The following TECTA variants were observed in gnomAD, a reference collection of about 807,000 sequenced individuals.
The protein encoded by TECTA is alpha-tectorin.
In TECTA, 128 loss-of-function variants were observed where a neutral mutation model predicts 216.8. The observed-to-expected ratio is 0.59, with a 90% CI of 0.51 to 0.68. TECTA has a LOEUF of 0.68. Among genes scored for constraint, TECTA ranks in the 30% least tolerant of loss-of-function variants. The pLI, the probability that TECTA is intolerant of heterozygous loss-of-function variation, is 0.00. For missense variants in TECTA, 2,551 were observed against 2,786.2 expected, an observed-to-expected ratio of 0.92 and a Z score of 1.90; for synonymous variants, 1,089 against 1,117.1, an observed-to-expected ratio of 0.97 and a Z score of 0.50.
chr11:121,159,655 A>G (rs770076736), intron 14 of TECTA, among the ~76,000 whole-genome samples: 1 of 152,212 alleles, frequency 6.6e-6, no homozygotes, highest in Admixed American at 6.5e-5. Context: ...AAATATGGCA[A>G]TGATGCCCAG....
At chr11:121,118,993 G>GCACACACACACACACAAA (rs1946529062) in intron 7 of TECTA, among the ~76,000 whole-genome samples, 1 of 55,952 alleles carries the variant, frequency 1.8e-5, no homozygotes, top group African/African-American at 5.1e-5. Flanking sequence ...ACACTGATAG[G>GCACACACACACACACAAA]CACACACACA....
At chr11:121,149,770 C>G (rs1057066438) in intron 12 of TECTA, among the ~76,000 whole-genome samples, 1 of 152,208 alleles carries the variant, frequency 6.6e-6, no homozygotes, top group Non-Finnish European at 1.5e-5. Flanking sequence ...AGATTCTTGA[C>G]CACGGTACAA....
In TECTA at chr11:121,125,855, G is replaced by T; in HGVS notation, c.1757G>T (p.Arg586Leu). 6.2e-7 allele frequency: 1 copy of T among 1,609,762 alleles called. No homozygotes were observed. Among genetic ancestry groups the T allele is most frequent in the South Asian group, 1.1e-5 (1 of 91,072 alleles). ...QALGIPIGDW[R>L]TQTGCVSTVQ... ...CTTGGCATTCCAATTGGAGACTGGC[G>T]AACCCAGACTGGGTGTGGTAAGCTG... Residue 586 changes from arginine to leucine, a missense_variant, in exon 8 of 24, where the codon CGA (arginine) becomes CTA (leucine). Physicochemically the swap from Arg to Leu is moderately radical, Grantham distance 102. Coordinates refer to ENST00000392793, the MANE Select transcript of TECTA (RefSeq NM_005422.4).
chr11:121,113,725 C>T lies in TECTA; in HGVS notation c.790+7C>T. On this transcript the variant is annotated splice_region_variant and intron_variant, in intron 6 of 23. Coordinates refer to ENST00000392793, the MANE Select transcript of TECTA (RefSeq NM_005422.4). This position sits in a 1 kb window ranked among gnomAD's most constrained non-coding sequence, Gnocchi z 4.2. ...AATGGCTGCACCTCAAGGGGTAAAG[C>T]TTTTCCTCTGTCTGTGGCAAGGCAG... 6.2e-7 allele frequency: 1 copy of T among 1,613,066 alleles called. No homozygotes were observed. The highest frequency in any genetic ancestry group is 8.5e-7 in the Non-Finnish European group (1 of 1,179,952).
At chr11:121,130,598 T>C (rs1180339912) in intron 10 of TECTA, among the ~76,000 whole-genome samples, 1 of 152,150 alleles carries the variant, frequency 6.6e-6, no homozygotes, top group Non-Finnish European at 1.5e-5. Context: ...CAGGGCACCT[T>C]TGGGGCATGG....
Position 121,160,132 on chromosome 11 carries a change from T to C in TECTA, c.4690-3T>C, listed in dbSNP as rs1244732581. 1.9e-5 allele frequency: 31 copies of C among 1,614,018 alleles called. No homozygotes were observed. Among genetic ancestry groups the C allele is most frequent in the Non-Finnish European group, 2.5e-5 (29 of 1,180,044 alleles). On this transcript the variant is annotated splice_polypyrimidine_tract_variant and splice_region_variant and intron_variant, in intron 14 of 23. Coordinates refer to ENST00000392793, the MANE Select transcript of TECTA (RefSeq NM_005422.4). ...ATTATTTTCTTTTTTCCTCCTCCAA[T>C]AGGTGAATGGCACACAAGTGAATGT...
rs760801003 is a variant in TECTA at position 121,160,300 on chromosome 11, T to G, written c.4855T>G (p.Cys1619Gly). The G allele has an allele frequency of 6.2e-7, 1 of 1,614,218 alleles. No individual in the cohort carries two copies. The highest frequency in any genetic ancestry group is 8.5e-7 in the Non-Finnish European group (1 of 1,180,044). ...SISERLQNKV[C>G]GLCGNFNGDL... Reference sequence around the variant, plus strand: ...CAGCGAGAGGCTGCAGAACAAAGTGTGCGGTCTCTGTGGCAACTTCAACGG... The same window carrying G: ...CAGCGAGAGGCTGCAGAACAAAGTGGGCGGTCTCTGTGGCAACTTCAACGG... Residue 1619 changes from cysteine (C) to glycine (G), a missense_variant, in exon 15 of 24, where the codon TGC becomes GGC. By Grantham distance (159) the Cys-to-Gly change is radical (BLOSUM62 -3). Coordinates refer to ENST00000392793, the MANE Select transcript of TECTA (RefSeq NM_005422.4).
intron 7 of TECTA, among the ~76,000 whole-genome samples, chr11:121,124,702 G>T (rs1476740279): frequency 6.6e-6 from 1 of 152,158 alleles, no homozygotes. Context: ...CATAGTGCTT[G>T]GTACCTAGCA....
chr11:121,122,625 C>T (rs906606839), intron 7 of TECTA, among the ~76,000 whole-genome samples: 2 of 135,602 alleles, frequency 1.5e-5, no homozygotes, highest in African/African-American at 5.6e-5. Context: ...TGCTTGAGCT[C>T]AGGAGTTCAA....
intron 18 of TECTA, 143 bp from the exon 19 acceptor site, chr11:121,167,911 G>A (rs1238877451): frequency 2.1e-6 from 2 of 938,960 alleles, no homozygotes; most frequent in Non-Finnish European, 3.4e-6. Flanking sequence ...AAATGCTAAG[G>A]CTAGCTCCAT....
intron 20 of TECTA, among the ~76,000 whole-genome samples, chr11:121,185,131 T>C (rs1947269143): frequency 6.6e-6 from 1 of 152,242 alleles, no homozygotes; most frequent in Admixed American, 6.5e-5. Context: ...CTTACCCCAG[T>C]GTCTGTCTGA....
chr11:121,176,444 T>G (rs1340415202), intron 20 of TECTA, among the ~76,000 whole-genome samples: 1 of 133,124 alleles, frequency 7.5e-6, no homozygotes, highest in Non-Finnish European at 1.5e-5. Context: ...CCTTCACTTA[T>G]GAAGCTTAGT....
At chr11:121,182,256 G>A (rs977363703) in intron 20 of TECTA, among the ~76,000 whole-genome samples, 22 of 151,976 alleles carry the variant, frequency 1.4e-4, no homozygotes, top group African/African-American at 5.3e-4. Context: ...TAAGTGGTGT[G>A]TGTGGCATCA....
chr11:121,188,233 G>A (rs536193047), intron 21 of TECTA, among the ~76,000 whole-genome samples: 2 of 152,278 alleles, frequency 1.3e-5, no homozygotes, highest in African/African-American at 4.8e-5. Flanking sequence ...CTCAAAGCTC[G>A]GCACTGTTGA....
intron 7 of TECTA, 119 bp from the exon 8 acceptor site, chr11:121,125,183 G>A (rs759909457): frequency 1.1e-4 from 120 of 1,060,148 alleles, no homozygotes; most frequent in Non-Finnish European, 1.5e-4. Flanking sequence ...AGCCTGGACC[G>A]TTTAGGTGGC....
At position 121,190,865 on chromosome 11, in the gene TECTA, TAAAA is replaced by T. The variant is rs1947334462; in HGVS notation, c.*61_*64del. On this transcript the variant is annotated 3_prime_UTR_variant, in exon 24 of 24. Coordinates refer to ENST00000392793, the MANE Select transcript of TECTA (RefSeq NM_005422.4). The stretch of plus-strand genomic sequence containing the variant: ...TTACTTACTTCAACACCCTGTAGGA[TAAAA>T]AGTGTGTGCCCTTAAGTCAAAACCT... 1 of 1,320,488 alleles carries T rather than the reference TAAAA, an allele frequency of 7.6e-7. No homozygotes were observed. The highest frequency in any genetic ancestry group is 1.1e-6 in the Non-Finnish European group (1 of 931,618). 81.8% of individuals were successfully genotyped at this position (1,320,488 alleles called of 1,614,324 possible).
chr11:121,141,634 G>A (rs1419709127), intron 11 of TECTA, among the ~76,000 whole-genome samples: 2 of 152,178 alleles, frequency 1.3e-5, no homozygotes, highest in Non-Finnish European at 2.9e-5. Flanking sequence ...TCGCAGCCAA[G>A]TCTGACATGG....
At chr11:121,120,992 G>A (rs1946552644) in intron 7 of TECTA, among the ~76,000 whole-genome samples, 2 of 152,202 alleles carry the variant, frequency 1.3e-5, no homozygotes, top group South Asian at 4.1e-4. Context: ...GCTGTAGCTG[G>A]CCTTGGCGGC....
chr11:121,168,551 A>G, intron 19 of TECTA, 126 bp from the exon 20 acceptor site: 2 of 1,408,558 alleles, frequency 1.4e-6, no homozygotes, highest in Non-Finnish European at 2.0e-6. Flanking sequence ...TGTATTGGAC[A>G]GCACAGCCTT....
Sources: allele counts gnomAD v4.1 joint callset (sites outside exome capture counted in the v4.1 genomes callset), GRCh38; gene constraint gnomAD v4.1.1; non-coding constraint Gnocchi (gnomAD v3.1); transcripts MANE v1.5; gene names NCBI Gene and HGNC (gene_info 2026-07-23, HGNC 2026-07-21).